Variants in DOP1B observed in about 807,000 individuals in gnomAD.
The protein encoded by DOP1B is DOP1 leucine zipper like protein B.
A neutral mutation model predicts 233.5 loss-of-function variants in DOP1B; 174 were observed. The observed-to-expected ratio is 0.75, with a 90% CI of 0.66 to 0.85. The LOEUF is 0.85. DOP1B is among the 40% of genes least tolerant of loss of function. DOP1B has a pLI of 0.00. For missense variants in DOP1B, 2,652 were observed against 2,846.6 expected, an observed-to-expected ratio of 0.93 and a Z score of 1.56; for synonymous variants, 1,190 against 1,185.6, an observed-to-expected ratio of 1.00 and a Z score of -0.08.
At position 36,251,051 on chromosome 21, in the gene DOP1B, C is replaced by G. The variant is rs2067026914; in HGVS notation, c.4999-111C>G. The G allele has an allele frequency of 1.3e-5, 19 of 1,425,458 alleles. No homozygotes were observed. The South Asian group carries it at 1.7e-4, about 13-fold the overall frequency. The allele number at this position is 1,425,458 out of a possible 1,614,324, so 88.3% of individuals were successfully genotyped here. ...AAGCACCTCAGCACAACATTGGGCA[C>G]AAACATGACAGGGTCCTTGCTCTCG... is the stretch of plus-strand genomic sequence containing the variant. On this transcript the variant is annotated intron_variant, in intron 21 of 36. Coordinates refer to ENST00000691173, the MANE Select transcript of DOP1B (RefSeq NM_001320714.2).
At chr21:36,287,797 G>T (rs1249722950) in intron 32 of DOP1B, among the ~76,000 whole-genome samples, 1 of 151,822 alleles carries the variant, frequency 6.6e-6, no homozygotes, top group Non-Finnish European at 1.5e-5. Context: ...ATATTGGCCA[G>T]GCTGGCCTCG....
intron 4 of DOP1B, among the ~76,000 whole-genome samples, chr21:36,203,638 G>A (rs185902314): frequency 1.4e-5 from 2 of 141,926 alleles, no homozygotes; most frequent in African/African-American, 5.7e-5. Context: ...GAAAGGGAGG[G>A]TGCAGTGGGG....
rs1458344930 is a variant in DOP1B at position 36,228,803 on chromosome 21, TAAAATAAAATAA to T, written c.1665+929_1665+940del. ...TAAAATAAAATAAAATAAAATAAAA[TAAAATAAAATAA>T]AATAAAATAAAAAGGCATGGTGGTG... On this transcript the variant is annotated intron_variant, in intron 13 of 36. Transcript: ENST00000691173. 3.0e-3 allele frequency among the ~76,000 whole-genome samples: 422 copies of T among 142,954 alleles called. 4 individuals carry two copies. The highest frequency in any genetic ancestry group is 0.011 in the African/African-American group (389 of 37,006). The allele number at this position is 142,954 out of a possible 152,430, so 93.8% of individuals were successfully genotyped here. A position where few individuals can be genotyped will look rare whatever the true frequency, so the allele number is the denominator to read the frequency against.
chr21:36,173,728 A>G (rs912612642), intron 2 of DOP1B, among the ~76,000 whole-genome samples: 2 of 152,134 alleles, frequency 1.3e-5, no homozygotes, highest in Admixed American at 1.3e-4. Flanking sequence ...CGGCCCAAGA[A>G]AAACATTTTC....
chr21:36,250,064 A>G (rs1474255837), intron 21 of DOP1B, among the ~76,000 whole-genome samples: 1 of 151,942 alleles, frequency 6.6e-6, no homozygotes, highest in African/African-American at 2.4e-5. Flanking sequence ...TCCTGTCCTC[A>G]TGGGTTGAGG....
intron 23 of DOP1B, 114 bp downstream of exon 23, chr21:36,254,023 T>C (rs2067064042): frequency 7.5e-7 from 1 of 1,333,152 alleles, no homozygotes; most frequent in African/African-American, 1.5e-5. Flanking sequence ...CAAGAGCTAG[T>C]GGGAATGCTT....
intron 2 of DOP1B, among the ~76,000 whole-genome samples, chr21:36,187,966 TA>T (rs2066183923): frequency 6.6e-6 from 1 of 152,172 alleles, no homozygotes; most frequent in Non-Finnish European, 1.5e-5. Flanking sequence ...CCTTCAGTTC[TA>T]CTCCTACTCA....
In DOP1B at chr21:36,219,363, T is replaced by G. The variant is rs1207636729; in HGVS notation, c.1130-9T>G. The G allele has an allele frequency of 3.0e-5, 48 of 1,614,164 alleles. No homozygotes were observed. The highest frequency in any genetic ancestry group is 4.0e-5 in the Non-Finnish European group (47 of 1,180,014). On this transcript the variant is annotated splice_polypyrimidine_tract_variant and intron_variant, in intron 9 of 36. Coordinates refer to ENST00000691173, the MANE Select transcript of DOP1B (RefSeq NM_001320714.2). ...AATCTGTCTCTGACCATCTTCCTTC[T>G]AATTACAGGGCCTCAAGTGGTTGGG... is the stretch of plus-strand genomic sequence containing the variant.
chr21:36,215,884 G>A (rs1175700951), intron 9 of DOP1B, among the ~76,000 whole-genome samples: 2 of 63,352 alleles, frequency 3.2e-5, no homozygotes, highest in African/African-American at 6.0e-5. Flanking sequence ...ATGGTGGCGC[G>A]TGCCTGTAGT....
intron 4 of DOP1B, 38 bp downstream of exon 4, chr21:36,200,539 T>C (rs2066351651): frequency 6.4e-7 from 1 of 1,559,310 alleles, no homozygotes. Flanking sequence ...TTTACTCCAC[T>C]GCTTTATAAG....
chr21:36,263,570 G>A lies in DOP1B; in HGVS notation c.5340G>A (p.Glu1780=), dbSNP rs746416742. Residue 1780 remains glutamate, a synonymous_variant, in exon 25 of 37, where the codon GAG becomes GAA. Coordinates refer to ENST00000691173, the MANE Select transcript of DOP1B (RefSeq NM_001320714.2). ...LQRLPVPALQ[E]NFSSLLGVLK... ...GGCTCCCAGTACCAGCCTTGCAAGA[G>A]AACTTTTCTTCACTGTTGGGAGTAT... The A allele has an allele frequency of 5.0e-6, 8 of 1,614,132 alleles. No homozygotes were observed. In the Middle Eastern group the frequency reaches 4.9e-4, roughly 100 times the overall value.
intron 1 of DOP1B, among the ~76,000 whole-genome samples, chr21:36,160,211 C>T (rs1179791417): frequency 2.0e-5 from 3 of 152,096 alleles, no homozygotes; most frequent in African/African-American, 7.2e-5. Context: ...GAACAAACTA[C>T]CAGCTCTCAT....
chr21:36,255,417 G>A (rs530365764), intron 23 of DOP1B, among the ~76,000 whole-genome samples: 110 of 149,110 alleles, frequency 7.4e-4, no homozygotes, highest in Middle Eastern at 3.7e-3. Flanking sequence ...GTGAGCCACC[G>A]TGCCCGGCCA....
At chr21:36,174,079 G>A (rs1411546904) in intron 2 of DOP1B, among the ~76,000 whole-genome samples, 1 of 152,126 alleles carries the variant, frequency 6.6e-6, no homozygotes, top group East Asian at 1.9e-4. Context: ...GCCTCCTGAT[G>A]GTGTGTTTCA....
At chr21:36,257,660 A>ATG (rs2067118256) in intron 23 of DOP1B, among the ~76,000 whole-genome samples, 1 of 122,622 alleles carries the variant, frequency 8.2e-6, no homozygotes, top group Non-Finnish European at 1.7e-5. Context: ...AGGTAAATAG[A>ATG]TAGATGTAGG....
intron 35 of DOP1B, 42 bp from the exon 36 acceptor site, chr21:36,292,062 G>C (rs552611025): frequency 7.1e-6 from 11 of 1,550,216 alleles, no homozygotes; most frequent in East Asian, 4.6e-5. Flanking sequence ...GACGTTGAAG[G>C]CCTCTTACCA....
intron 9 of DOP1B, among the ~76,000 whole-genome samples, chr21:36,215,566 G>A (rs1007446201): frequency 6.6e-6 from 1 of 151,656 alleles, no homozygotes. Flanking sequence ...CACCATGCCT[G>A]GCTAATTTTT....
At chr21:36,219,098 C>G (rs1386326600) in intron 9 of DOP1B, among the ~76,000 whole-genome samples, 3 of 152,186 alleles carry the variant, frequency 2.0e-5, no homozygotes, top group East Asian at 1.9e-4. Context: ...GTCTGCATGG[C>G]TGTTACGAGG....
At chr21:36,237,943 G>A (rs553607110) in intron 16 of DOP1B, among the ~76,000 whole-genome samples, 5 of 152,146 alleles carry the variant, frequency 3.3e-5, no homozygotes, top group African/African-American at 9.7e-5. Context: ...CAAAGCAGGC[G>A]GATCACCTGA....
Sources: allele counts gnomAD v4.1 joint callset (sites outside exome capture counted in the v4.1 genomes callset), GRCh38; gene constraint gnomAD v4.1.1; transcripts MANE v1.5; gene names NCBI Gene and HGNC (gene_info 2026-07-23, HGNC 2026-07-21).